The following ERAP1 variants were observed in gnomAD, a reference collection of about 807,000 sequenced individuals.
The protein encoded by ERAP1 is endoplasmic reticulum aminopeptidase 1, also known as adipocyte-derived leucine aminopeptidase.
In ERAP1, 86 loss-of-function variants were observed where a neutral mutation model predicts 103.7. That is an observed-to-expected ratio of 0.83 (90% CI 0.70 to 0.99). The LOEUF is 0.99. Among genes scored for constraint, ERAP1 ranks in the 50% least tolerant of loss-of-function variants. ERAP1 has a pLI of 0.00. For synonymous variants in ERAP1, 398 were observed against 402.4 expected (o/e 0.99, Z 0.13); for missense variants, 1,009 against 1,128.4 (o/e 0.89, Z 1.52).
chr5:96,902,910 A>G, the ERAP1 span: 5,923 of 154,814 alleles, frequency 0.038, 192 homozygotes, highest in Middle Eastern at 0.11. Flanking sequence ...ATTTTCTTCT[A>G]AACACTTTAA....
At chr5:96,866,876 G>C in the ERAP1 span, among the ~76,000 whole-genome samples, 1 of 152,090 alleles carries the variant, frequency 6.6e-6, no homozygotes, top group African/African-American at 2.4e-5. Context: ...TGCCTCTCTG[G>C]GGATGTCCCA....
In ERAP1 at chr5:96,785,901, C is replaced by A. The variant is rs1394921907; in HGVS notation, c.1830G>T (p.Val610=). ...AGTCCCATCCATCATCCTCGTAATGCACAATGTAATAGCCATTCATGCCCA... is the reference window on the plus strand; with the variant it reads ...AGTCCCATCCATCATCCTCGTAATGAACAATGTAATAGCCATTCATGCCCA... ...FNVGMNGYYI[V]HYEDDGWDSL... Residue 610 remains valine, a synonymous_variant, in exon 13 of 19, where the codon GTG becomes GTT. Transcript: ENST00000443439. 2 of 1,614,148 alleles carry A rather than the reference C, an allele frequency of 1.2e-6. No homozygotes were observed. The highest frequency in any genetic ancestry group is 3.3e-5 in the Admixed American group (2 of 60,026).
intron 1 of ERAP1, among the ~76,000 whole-genome samples, chr5:96,806,930 G>A (rs1025856244): frequency 8.6e-5 from 13 of 150,290 alleles, no homozygotes; most frequent in Non-Finnish European, 1.3e-4. Flanking sequence ...AAAATCCTCA[G>A]GCAAGAGACA....
At chr5:96,823,214 C>T in the ERAP1 span, 1 of 439,372 alleles carries the variant, frequency 2.3e-6, no homozygotes, top group Non-Finnish European at 4.6e-6. Context: ...ATCCTGTCAC[C>T]TTTGTCATAT....
chr5:96,846,298 C>A, the ERAP1 span, among the ~76,000 whole-genome samples: 5 of 152,172 alleles, frequency 3.3e-5, no homozygotes, highest in Non-Finnish European at 7.3e-5. Context: ...TTGAGAGCCA[C>A]TGCACTGGTC....
the ERAP1 span, among the ~76,000 whole-genome samples, chr5:96,831,450 G>A: frequency 6.6e-6 from 1 of 152,188 alleles, no homozygotes; most frequent in Admixed American, 6.5e-5. Context: ...CCACGCACAG[G>A]AGGACTTGTG....
the ERAP1 span, among the ~76,000 whole-genome samples, chr5:96,875,722 C>G: frequency 6.6e-6 from 1 of 152,058 alleles, no homozygotes; most frequent in Non-Finnish European, 1.5e-5. Context: ...GGTTCTGGTT[C>G]AGGTTAGGGT....
chr5:96,793,613 C>A, intron 6 of ERAP1, 100 bp from the exon 7 acceptor site: 1 of 1,105,404 alleles, frequency 9.0e-7, no homozygotes. Flanking sequence ...TTTACAGGAC[C>A]AATATTTAAT....
At chr5:96,811,096 A>T (rs79155073), upstream of ERAP1, among the ~76,000 whole-genome samples, 7,246 of 152,086 alleles carry the variant, frequency 0.048, 282 homozygotes, top group East Asian at 0.17. Flanking sequence ...TAATTTTTTT[A>T]AATGCCAATT....
the ERAP1 span, among the ~76,000 whole-genome samples, chr5:96,867,766 A>T: frequency 6.6e-6 from 1 of 152,120 alleles, no homozygotes; most frequent in African/African-American, 2.4e-5. Context: ...TAATTTGTTT[A>T]TTTACCTGCT....
rs1260377603 is a variant in ERAP1, at chr5:96,803,464, G to A, written c.463C>T (p.Leu155Phe). 1 of 1,613,210 alleles carries A rather than the reference G, an allele frequency of 6.2e-7. No homozygotes were observed. The highest frequency in any genetic ancestry group is 8.5e-7 in the Non-Finnish European group (1 of 1,179,804). Residue 155 changes from leucine (L) to phenylalanine (F), a missense_variant, in exon 2 of 19, where the codon CTT becomes TTT. By Grantham distance (22) the Leu-to-Phe change is conservative. Around this residue, in one of 3 missense-constraint regions of ERAP1, gnomAD observed 392 missense variants for 455.2 expected, o/e 0.86. Coordinates refer to ENST00000443439, the MANE Select transcript of ERAP1 (RefSeq NM_001040458.3). Reference protein sequence around the residue: ...YTVVIHYAGNLSETFHGFYKS... With the variant: ...YTVVIHYAGNFSETFHGFYKS... The stretch of plus-strand genomic sequence containing the variant: ...TAAAATCCGTGGAAAGTCTCCGAAA[G>A]ATTGCCAGCATAGTGAATGACAACT...
chr5:96,771,500 G>T, downstream of ERAP1: 1 of 575,114 alleles, frequency 1.7e-6, no homozygotes, highest in Admixed American at 3.1e-5. Context: ...ACAATATTGT[G>T]GCCAGATGAA....
chr5:96,896,269 T>C, the ERAP1 span: 2 of 897,444 alleles, frequency 2.2e-6, no homozygotes, highest in South Asian at 2.0e-5. Context: ...GAAATATCGA[T>C]TGAAATCTTA....
the ERAP1 span, among the ~76,000 whole-genome samples, chr5:96,930,290 T>G: frequency 2.6e-5 from 4 of 152,232 alleles, no homozygotes; most frequent in Non-Finnish European, 5.9e-5. Context: ...TTTCATGTCC[T>G]CTGCTTCACC....
Position 96,788,811 on chromosome 5 carries a change from G to C in ERAP1, c.1525-126C>G. 4.4e-6 allele frequency: 5 copies of C among 1,143,160 alleles called. No homozygotes were observed. The South Asian group carries it at 5.3e-5, about 12-fold the overall frequency. 70.8% of individuals were successfully genotyped at this position (1,143,160 alleles called of 1,614,324 possible). On this transcript the variant is annotated intron_variant, in intron 10 of 18. Coordinates refer to ENST00000443439, the MANE Select transcript of ERAP1 (RefSeq NM_001040458.3). ...ACCTCCCCTCTTAGGAGCACTTTCT[G>C]ATCCCTTTCTCAGTGTGATGTCCCC...
the ERAP1 span, among the ~76,000 whole-genome samples, chr5:96,813,650 C>CAAAAAAAAAAA: frequency 5.4e-5 from 3 of 55,160 alleles, 1 homozygote; most frequent in Admixed American, 4.5e-4. Flanking sequence ...AGACTCATCT[C>CAAAAAAAAAAA]AAAAAAAAAA....
chr5:96,856,006 A>T, the ERAP1 span, among the ~76,000 whole-genome samples: 8 of 152,030 alleles, frequency 5.3e-5, no homozygotes, highest in African/African-American at 1.9e-4. Context: ...CACATGCAAT[A>T]GTCGATCTTT....
Position 96,774,967 on chromosome 5 carries a change from A to G in ERAP1, c.*1429T>C, listed in dbSNP as rs1447734563. The G allele has an allele frequency of 3.0e-6, 3 of 985,412 alleles. No individual in the cohort carries two copies. Among genetic ancestry groups the G allele is most frequent in the Non-Finnish European group, 2.4e-6 (2 of 829,934 alleles). 61.0% of individuals were successfully genotyped at this position (985,412 alleles called of 1,614,324 possible). A position where few individuals can be genotyped will look rare whatever the true frequency, so the allele number is the denominator to read the frequency against. The stretch of plus-strand genomic sequence containing the variant: ...TCTTGAAGTTTTTGCCTTATATTCA[A>G]AAAGTTCAGTTTGAATTCTCCTTTG... On this transcript the variant is annotated 3_prime_UTR_variant, in exon 19 of 19. Coordinates refer to ENST00000443439, the MANE Select transcript of ERAP1 (RefSeq NM_001040458.3).
At chr5:96,785,463 A>AGCT in intron 13 of ERAP1, 1 of 371,626 alleles carries the variant, frequency 2.7e-6, no homozygotes, top group South Asian at 2.2e-5. Flanking sequence ...GGCCAGAAGA[A>AGCT]GCTGCGGGAC....
Sources: allele counts gnomAD v4.1 joint callset (sites outside exome capture counted in the v4.1 genomes callset), GRCh38; gene constraint gnomAD v4.1.1; regional missense constraint gnomAD v4.1.1; transcripts MANE v1.5; gene names NCBI Gene and HGNC (gene_info 2026-07-23, HGNC 2026-07-21).